Variants in RMDN2 observed in about 807,000 individuals in gnomAD.
RMDN2 encodes the protein regulator of microtubule dynamics protein 2.
Under a neutral mutation model 52.8 loss-of-function variants are expected in RMDN2, and 61 were observed. That is an observed-to-expected ratio of 1.16 (90% CI 0.94 to 1.43). RMDN2 has a LOEUF of 1.43. Among genes scored for constraint, RMDN2 ranks in the 40% most tolerant of loss-of-function variants. The pLI, the probability that RMDN2 is intolerant of heterozygous loss-of-function variation, is 0.00. For synonymous variants in RMDN2, 180 were observed against 153.1 expected (o/e 1.18, Z -1.30); for missense variants, 592 against 475.3 (o/e 1.25, Z -2.28).
At chr2:37,991,873 C>A (rs1371703996) in intron 7 of RMDN2, among the ~76,000 whole-genome samples, 5 of 152,158 alleles carry the variant, frequency 3.3e-5, no homozygotes, top group Non-Finnish European at 5.9e-5. Context: ...TCTTAAATGA[C>A]ACTATTAGTT....
downstream of RMDN2, among the ~76,000 whole-genome samples, chr2:38,019,918 C>T (rs1321067170): frequency 6.6e-6 from 1 of 152,048 alleles, no homozygotes; most frequent in African/African-American, 2.4e-5. Context: ...CTCTGGGTGA[C>T]AGAGTGAAAC....
chr2:38,015,077 T>G (rs1678559566), intron 10 of RMDN2, among the ~76,000 whole-genome samples: 1 of 152,168 alleles, frequency 6.6e-6, no homozygotes, highest in Admixed American at 6.5e-5. Context: ...AAAATACAGG[T>G]TCCTGGCTTT....
At chr2:38,008,971 T>C (rs1474383971) in intron 10 of RMDN2, among the ~76,000 whole-genome samples, 2 of 152,182 alleles carry the variant, frequency 1.3e-5, no homozygotes, top group East Asian at 3.8e-4. Flanking sequence ...TGAAGCTTAG[T>C]TTGGCTGGAT....
chr2:37,946,491 G>A (rs1252297281), intron 2 of RMDN2, among the ~76,000 whole-genome samples: 1 of 152,130 alleles, frequency 6.6e-6, no homozygotes, highest in Non-Finnish European at 1.5e-5. Flanking sequence ...TGTTTACTGT[G>A]GTGTTCCCAG....
At chr2:37,943,790 G>A (rs1282902647) in intron 2 of RMDN2, among the ~76,000 whole-genome samples, 4 of 152,242 alleles carry the variant, frequency 2.6e-5, no homozygotes, top group African/African-American at 9.6e-5. Context: ...AAGTTGGAGT[G>A]TAGTCTTTTC....
chr2:37,923,350 TC>T (rs1666085108), upstream of RMDN2: 1 of 152,208 alleles, frequency 6.6e-6, no homozygotes, highest in Admixed American at 6.5e-5. Context: ...GCTGCCATCT[TC>T]CTCTTGGAAT....
At chr2:37,935,758 ATTTTTTTGAG>A (rs1454694017) in intron 2 of RMDN2, among the ~76,000 whole-genome samples, 2 of 152,048 alleles carry the variant, frequency 1.3e-5, no homozygotes, top group African/African-American at 4.8e-5. Flanking sequence ...TTTGCAATAA[ATTTTTTTGAG>A]TTTTTTCCAT....
At chr2:37,992,419 A>G (rs1031636105) in intron 7 of RMDN2, among the ~76,000 whole-genome samples, 3 of 152,238 alleles carry the variant, frequency 2.0e-5, no homozygotes, top group African/African-American at 7.2e-5. Context: ...AACCTACTTA[A>G]TGTTGTAAAA....
intron 10 of RMDN2, 74 bp from the exon 11 acceptor site, chr2:38,017,112 A>C: frequency 1.1e-6 from 1 of 904,078 alleles, no homozygotes; most frequent in Non-Finnish European, 1.6e-6. Context: ...AAGTCAGTGT[A>C]AGTCTGTTTC....
chr2:38,008,171 A>G (rs1238293949), intron 10 of RMDN2, among the ~76,000 whole-genome samples: 2 of 152,142 alleles, frequency 1.3e-5, no homozygotes, highest in Non-Finnish European at 2.9e-5. Context: ...GCTAAGAAGA[A>G]TGTGTATTCT....
chr2:38,031,824 C>G (rs1680228905), intron 10 of RMDN2, among the ~76,000 whole-genome samples: 1 of 152,070 alleles, frequency 6.6e-6, no homozygotes, highest in Non-Finnish European at 1.5e-5. Flanking sequence ...TGCCTGGAGC[C>G]CATGAGGAAT....
intron 10 of RMDN2, among the ~76,000 whole-genome samples, chr2:38,011,646 A>G (rs1678016584): frequency 6.6e-6 from 1 of 152,242 alleles, no homozygotes; most frequent in Non-Finnish European, 1.5e-5. Context: ...AGCAGAAAGC[A>G]TAAGGTACTA....
intron 2 of RMDN2, among the ~76,000 whole-genome samples, chr2:37,933,429 G>A (rs1248759493): frequency 1.3e-5 from 2 of 152,242 alleles, no homozygotes; most frequent in African/African-American, 2.4e-5. Flanking sequence ...GCGGCTGGGA[G>A]GTGGAGGTTG....
Position 38,059,186 on chromosome 2 carries a change from T to A in RMDN2, c.1714-7796T>A, listed in dbSNP as rs1681949605. ...CCAAGCACCTGAAATAAGGCTGATG[T>A]GAATAAGGAATTGATTTTTTAATTT... On this transcript the variant is annotated intron_variant, in intron 10 of 10. Coordinates refer to the RMDN2 transcript ENST00000234195. 2.0e-5 allele frequency among the ~76,000 whole-genome samples: 3 copies of A among 152,226 alleles called. No homozygotes were observed. In the South Asian group the frequency reaches 6.2e-4, roughly 31 times the overall value.
intron 10 of RMDN2, chr2:38,027,949 T>G (rs1218559880): frequency 6.6e-6 from 1 of 152,230 alleles, no homozygotes; most frequent in Non-Finnish European, 1.5e-5. Flanking sequence ...TTGACTGTCC[T>G]GATCTTTAAA....
chr2:38,041,127 T>C (rs986815534), intron 10 of RMDN2, among the ~76,000 whole-genome samples: 1 of 152,184 alleles, frequency 6.6e-6, no homozygotes, highest in Admixed American at 6.5e-5. Context: ...GTTTTCTACA[T>C]AGCCTAACTT....
chr2:37,955,916 T>A (rs1669396346), intron 2 of RMDN2, among the ~76,000 whole-genome samples: 1 of 152,148 alleles, frequency 6.6e-6, no homozygotes, highest in African/African-American at 2.4e-5. Context: ...GGTTGTGATG[T>A]ATAATCCTTC....
intron 10 of RMDN2, among the ~76,000 whole-genome samples, chr2:38,057,486 G>C (rs901150607): frequency 2.6e-5 from 4 of 152,212 alleles, no homozygotes; most frequent in African/African-American, 9.6e-5. Flanking sequence ...TGGTGGACCA[G>C]ATTTGGACCA....
intron 2 of RMDN2, among the ~76,000 whole-genome samples, chr2:37,943,873 A>C (rs1668002114): frequency 6.6e-6 from 1 of 151,244 alleles, no homozygotes; most frequent in South Asian, 2.1e-4. Flanking sequence ...CAATATTTCT[A>C]CTCCCCATAT....
Sources: gnomAD v4.1 joint callset for allele counts (sites outside exome capture counted in the v4.1 genomes callset) on GRCh38, gnomAD v4.1.1 for gene constraint, MANE v1.5 for transcripts, NCBI Gene and HGNC (gene_info 2026-07-23, HGNC 2026-07-21) for gene names.